Variants in COLQ observed in about 807,000 individuals in gnomAD.
COLQ encodes the protein collagen like tail subunit of asymmetric acetylcholinesterase.
COLQ carries 48 observed loss-of-function variants against 69.0 expected under a neutral mutation model. The observed-to-expected ratio is 0.70, with a 90% CI of 0.55 to 0.88. COLQ has a LOEUF of 0.88. COLQ is among the 40% of genes least tolerant of loss of function. The probability of loss-of-function intolerance (pLI) is 0.00; values close to 1 mark genes in which losing one functional copy is unlikely to be tolerated. For missense variants in COLQ, 618 were observed against 594.6 expected, an observed-to-expected ratio of 1.04 and a Z score of -0.41; for synonymous variants, 217 against 211.2, an observed-to-expected ratio of 1.03 and a Z score of -0.24.
intron 13 of COLQ, among the ~76,000 whole-genome samples, chr3:15,457,434 GA>G (rs2062040926): frequency 6.6e-6 from 1 of 152,080 alleles, no homozygotes; most frequent in Admixed American, 6.6e-5. Flanking sequence ...TAGGCATAAA[GA>G]GAAAACAAGG....
At chr3:15,474,657 T>A (rs1337590243) in intron 8 of COLQ, among the ~76,000 whole-genome samples, 1 of 152,260 alleles carries the variant, frequency 6.6e-6, no homozygotes, top group African/African-American at 2.4e-5. Context: ...ACTGTGCTTA[T>A]TCTCTACCTG....
At chr3:15,506,735 C>A (rs980038177) in intron 1 of COLQ, 2 of 152,224 alleles carry the variant, frequency 1.3e-5, no homozygotes, top group Non-Finnish European at 2.9e-5. Context: ...TTCACCCCTC[C>A]CTGAGCAATG....
Position 15,474,421 on chromosome 3 carries a change from G to A in COLQ, c.556-149C>T, listed in dbSNP as rs973878113. ...TATGTCAGGTGACTTCTCCAGGGAA[G>A]GAATGCTTTGTGATCTACTTCTTGT... On this transcript the variant is annotated intron_variant, in intron 8 of 16. Transcript: ENST00000383788. The A allele has an allele frequency of 5.1e-5, 42 of 819,706 alleles. 1 individual carries two copies. The highest frequency in any genetic ancestry group is 6.8e-5 in the African/African-American group (4 of 59,100). 50.8% of individuals were successfully genotyped at this position (819,706 alleles called of 1,614,324 possible).
intron 12 of COLQ, among the ~76,000 whole-genome samples, chr3:15,460,356 T>A (rs1051364448): frequency 2.0e-5 from 3 of 151,906 alleles, no homozygotes; most frequent in Non-Finnish European, 4.4e-5. Context: ...ACAAAAGCCA[T>A]CTAACAGGAA....
Position 15,451,359 on chromosome 3 carries a change from G to A in COLQ, c.*285C>T. 1.7e-6 allele frequency: 1 copy of A among 586,444 alleles called. No homozygotes were observed. The highest frequency in any genetic ancestry group is 3.1e-6 in the Non-Finnish European group (1 of 319,440). The allele number at this position is 586,444 out of a possible 1,614,324, so 36.3% of individuals were successfully genotyped here. On this transcript the variant is annotated 3_prime_UTR_variant, in exon 17 of 17. Coordinates refer to ENST00000383788, the MANE Select transcript of COLQ (RefSeq NM_005677.4). ...CCTGGGTCAGCAACATTCCAGAAGA[G>A]GAAGAGCATTGTAGCCGGTTGTTTG...
At position 15,479,019 on chromosome 3, in the gene COLQ, A is replaced by G; in HGVS notation, c.367-16T>C. The G allele has an allele frequency of 6.2e-7, 1 of 1,614,224 alleles. No homozygotes were observed. The highest frequency in any genetic ancestry group is 8.5e-7 in the Non-Finnish European group (1 of 1,180,022). On this transcript the variant is annotated splice_polypyrimidine_tract_variant and intron_variant, in intron 4 of 16. Transcript: ENST00000383788. ...CAAGCTCCCCCTATGGATGGAGAAG[A>G]CAGGTAAGGAGAGGCTGCTTTGGAA...
intron 16 of COLQ, 57 bp from the exon 17 acceptor site, chr3:15,451,770 G>T: frequency 6.7e-7 from 1 of 1,481,516 alleles, no homozygotes; most frequent in Non-Finnish European, 9.4e-7. Context: ...GGTGACTTCC[G>T]GTCAAACCTT....
At chr3:15,517,132 G>A (rs528202047) in intron 1 of COLQ, among the ~76,000 whole-genome samples, 1 of 152,164 alleles carries the variant, frequency 6.6e-6, no homozygotes. Context: ...AACAGAGCGA[G>A]ACCCTGTCTC....
chr3:15,503,086 C>T (rs1412839881), intron 1 of COLQ, among the ~76,000 whole-genome samples: 1 of 152,192 alleles, frequency 6.6e-6, no homozygotes, highest in East Asian at 1.9e-4. Context: ...GGTCATCTGA[C>T]GCTGACCCTT....
At chr3:15,501,043 ATC>A (rs2062822325) in intron 1 of COLQ, among the ~76,000 whole-genome samples, 1 of 152,054 alleles carries the variant, frequency 6.6e-6, no homozygotes, top group South Asian at 2.1e-4. Flanking sequence ...GGGGTGAAGG[ATC>A]TCCCCTTTTA....
At chr3:15,483,325 T>C (rs911095789) in intron 3 of COLQ, among the ~76,000 whole-genome samples, 2 of 152,234 alleles carry the variant, frequency 1.3e-5, no homozygotes, top group Non-Finnish European at 2.9e-5. Flanking sequence ...TTTTAGATCT[T>C]TCCTGCTTTC....
At chr3:15,456,431 T>C in intron 14 of COLQ, 29 bp downstream of exon 14, 1 of 1,613,022 alleles carries the variant, frequency 6.2e-7, no homozygotes. Flanking sequence ...GGGCAGGGAG[T>C]ATGTCCTGAG....
chr3:15,520,597 CA>C (rs2063123184), intron 1 of COLQ, among the ~76,000 whole-genome samples: 4 of 152,202 alleles, frequency 2.6e-5, no homozygotes, highest in Admixed American at 2.6e-4. Flanking sequence ...TGGGGAGAGT[CA>C]GGGGTCACTG....
At chr3:15,478,012 G>A (rs3821637) in intron 5 of COLQ, among the ~76,000 whole-genome samples, 1,626 of 152,274 alleles carry the variant, frequency 0.011, 97 homozygotes, top group Admixed American at 0.081. Flanking sequence ...AGCTAATTTC[G>A]CAATTAGCTA....
At chr3:15,510,493 AC>A (rs2062970613) in intron 1 of COLQ, among the ~76,000 whole-genome samples, 1 of 149,144 alleles carries the variant, frequency 6.7e-6, no homozygotes, top group African/African-American at 2.5e-5. Context: ...TGGATCGCTG[AC>A]CCCAGGAGTT....
chr3:15,482,114 C>T (rs899785768), intron 3 of COLQ, among the ~76,000 whole-genome samples: 1 of 152,188 alleles, frequency 6.6e-6, no homozygotes, highest in Non-Finnish European at 1.5e-5. Flanking sequence ...AGATTTTGGG[C>T]TGAGATGATG....
chr3:15,461,869 A>G (rs1318524095), intron 12 of COLQ, among the ~76,000 whole-genome samples: 1 of 151,834 alleles, frequency 6.6e-6, no homozygotes, highest in African/African-American at 2.4e-5. Context: ...GTAGGTATAT[A>G]CAGTTTTTTC....
chr3:15,515,954 A>G (rs2063055296), intron 1 of COLQ, among the ~76,000 whole-genome samples: 1 of 152,110 alleles, frequency 6.6e-6, no homozygotes, highest in Non-Finnish European at 1.5e-5. Flanking sequence ...GGATCTGAAA[A>G]AGGAGGTGTG....
At chr3:15,483,669 G>C (rs569392828) in intron 3 of COLQ, among the ~76,000 whole-genome samples, 1 of 152,282 alleles carries the variant, frequency 6.6e-6, no homozygotes, top group Admixed American at 6.5e-5. Context: ...TGATGTGGTG[G>C]TGAGAAGAAT....
Sources: gnomAD v4.1 joint callset for allele counts (sites outside exome capture counted in the v4.1 genomes callset) on GRCh38, gnomAD v4.1.1 for gene constraint, MANE v1.5 for transcripts, NCBI Gene and HGNC (gene_info 2026-07-23, HGNC 2026-07-21) for gene names.